PCDH15: variants seen among roughly 807,000 people sequenced by gnomAD.
PCDH15 encodes protocadherin-15.
Under a neutral mutation model 178.5 loss-of-function variants are expected in PCDH15, and 129 were observed. The ratio of observed to expected loss-of-function variants is 0.72; its 90% CI spans 0.63 to 0.84. The LOEUF (loss-of-function observed/expected upper bound fraction) is 0.84. PCDH15 is among the 40% of genes least tolerant of loss of function. The pLI, the probability that PCDH15 is intolerant of heterozygous loss-of-function variation, is 0.00. For missense variants in PCDH15, 2,230 were observed against 2,099.9 expected (o/e 1.06, Z -1.21); for synonymous variants, 800 against 732.0 (o/e 1.09, Z -1.50).
At chr10:54,107,303 T>C (rs551147238) in intron 15 of PCDH15, among the ~76,000 whole-genome samples, 5 of 152,350 alleles carry the variant, frequency 3.3e-5, no homozygotes, top group South Asian at 2.1e-4. Flanking sequence ...CATAAATATA[T>C]GTATGCTTCC....
intron 1 of PCDH15, among the ~76,000 whole-genome samples, chr10:55,214,139 AAT>A (rs1840639210): frequency 6.6e-6 from 1 of 151,982 alleles, no homozygotes; most frequent in Non-Finnish European, 1.5e-5. Context: ...TGTTTTTAAA[AAT>A]ATGTTAGAAC....
intron 2 of PCDH15, among the ~76,000 whole-genome samples, chr10:55,334,936 T>C (rs984168222): frequency 1.9e-4 from 29 of 152,332 alleles, no homozygotes; most frequent in Admixed American, 1.2e-3. Flanking sequence ...CCCTGTATTT[T>C]AGTATTGTCA....
rs1945830982 is a variant in PCDH15, at chr10:54,360,462, C to T, written c.474+8658G>A. ...TGTGTGGTGAGCGGCAGGACCTAGACCAAAGCCCTGGCATTTTGGTAAAAA... is the reference window on the plus strand; with the variant it reads ...TGTGTGGTGAGCGGCAGGACCTAGATCAAAGCCCTGGCATTTTGGTAAAAA... On this transcript the variant is annotated intron_variant, in intron 5 of 37. Coordinates refer to ENST00000644397, the MANE Select transcript of PCDH15 (RefSeq NM_001384140.1). 2.0e-5 allele frequency among the ~76,000 whole-genome samples: 3 copies of T among 151,984 alleles called. No individual in the cohort carries two copies. The South Asian group carries it at 6.2e-4, about 32-fold the overall frequency.
chr10:55,430,019 T>C (rs1308166715), intron 2 of PCDH15, among the ~76,000 whole-genome samples: 1 of 152,190 alleles, frequency 6.6e-6, no homozygotes, highest in Non-Finnish European at 1.5e-5. Flanking sequence ...TTAAATGAAA[T>C]CAAGATTCAC....
chr10:55,609,127 GCTATTCCAGAAGGTAAAAATGACAT>G (rs1843302419), intron 2 of PCDH15, among the ~76,000 whole-genome samples: 1 of 150,994 alleles, frequency 6.6e-6, no homozygotes, highest in Non-Finnish European at 1.5e-5. Context: ...TTCACTATTG[GCTATTCCAGAAGGTAAAAATGACAT>G]CTGACCTGAT....
At chr10:55,115,409 G>C (rs569787276) in intron 2 of PCDH15, among the ~76,000 whole-genome samples, 1 of 152,308 alleles carries the variant, frequency 6.6e-6, no homozygotes, top group African/African-American at 2.4e-5. Flanking sequence ...AGCATTCAGC[G>C]TTGGAACAAC....
chr10:54,898,881 C>A (rs905448794), intron 2 of PCDH15, among the ~76,000 whole-genome samples: 5 of 152,052 alleles, frequency 3.3e-5, no homozygotes, highest in African/African-American at 4.8e-5. Context: ...TTTGTTAATG[C>A]TAAGTGTTTT....
chr10:54,805,464 C>G (rs1397174722), upstream of PCDH15, among the ~76,000 whole-genome samples: 1 of 152,124 alleles, frequency 6.6e-6, no homozygotes, highest in African/African-American at 2.4e-5. Flanking sequence ...GACTTGGCAA[C>G]TGGAGGGTCA....
At chr10:54,967,731 A>G (rs7084605) in intron 2 of PCDH15, among the ~76,000 whole-genome samples, 2,378 of 152,282 alleles carry the variant, frequency 0.016, 60 homozygotes, top group African/African-American at 0.054. Context: ...CTGCAGACTG[A>G]ATGCTTTGAA....
intron 2 of PCDH15, among the ~76,000 whole-genome samples, chr10:55,336,275 GGAT>G (rs879874525): frequency 1.1e-4 from 16 of 151,972 alleles, no homozygotes; most frequent in Non-Finnish European, 1.9e-4. Context: ...CGACACGGGT[GGAT>G]CAAGAGGTCA....
intron 16 of PCDH15, among the ~76,000 whole-genome samples, chr10:54,087,543 C>T (rs1426451509): frequency 6.6e-6 from 1 of 152,172 alleles, no homozygotes; most frequent in African/African-American, 2.4e-5. Flanking sequence ...TTGTTTATTC[C>T]TTCCTCTGTA....
chr10:55,091,152 T>C (rs1297779395), intron 2 of PCDH15, among the ~76,000 whole-genome samples: 2 of 152,010 alleles, frequency 1.3e-5, no homozygotes, highest in African/African-American at 4.8e-5. Flanking sequence ...TATTGAAACA[T>C]AATGACCCTC....
intron 3 of PCDH15, among the ~76,000 whole-genome samples, chr10:54,439,744 A>G (rs1038270349): frequency 2.2e-4 from 33 of 152,142 alleles, no homozygotes; most frequent in African/African-American, 7.2e-4. Context: ...CCATTAAGTT[A>G]TTCACTGAGA....
rs73236374 is a variant in PCDH15, at chr10:53,828,446, A to G, written c.4211+119T>C. On this transcript the variant is annotated intron_variant, in intron 31 of 37. Transcript: ENST00000644397. ...ATATCAAACCAAGAAATAAACTATT[A>G]CAAACGCAAAACAAGGGAATAAGAT... The G allele has an allele frequency of 1.4e-3, 1,160 of 856,546 alleles. 12 individuals are homozygous for G. In the African/African-American group the frequency reaches 0.017, roughly 13 times the overall value. The allele number at this position is 856,546 out of a possible 1,614,324, so 53.1% of individuals were successfully genotyped here. A position where few individuals can be genotyped will look rare whatever the true frequency, so the allele number is the denominator to read the frequency against.
chr10:55,450,984 T>TATATATAG (rs1839423736), intron 2 of PCDH15, among the ~76,000 whole-genome samples: 1 of 145,538 alleles, frequency 6.9e-6, no homozygotes, highest in Non-Finnish European at 1.5e-5. Context: ...TATATATATA[T>TATATATAG]AGTATGATCC....
At chr10:54,012,622 G>A (rs1162102766) in intron 20 of PCDH15, among the ~76,000 whole-genome samples, 1 of 152,214 alleles carries the variant, frequency 6.6e-6, no homozygotes, top group Admixed American at 6.5e-5. Context: ...TAAGCCAGAA[G>A]AGATTGGGGG....
At chr10:55,409,983 T>C (rs554674664) in intron 2 of PCDH15, among the ~76,000 whole-genome samples, 75 of 152,288 alleles carry the variant, frequency 4.9e-4, no homozygotes, top group Non-Finnish European at 9.4e-4. Flanking sequence ...GAAATGATAT[T>C]TCCTACCTCT....
At chr10:54,178,217 G>T (rs781573010) in intron 13 of PCDH15, among the ~76,000 whole-genome samples, 1 of 151,984 alleles carries the variant, frequency 6.6e-6, no homozygotes, top group South Asian at 2.1e-4. Context: ...AGACTGATGG[G>T]ATATCTAATT....
At chr10:55,033,537 T>A (rs1236795020) in intron 2 of PCDH15, among the ~76,000 whole-genome samples, 1 of 152,200 alleles carries the variant, frequency 6.6e-6, no homozygotes, top group Non-Finnish European at 1.5e-5. Context: ...TATAAACGAC[T>A]GTCTTGTGTC....
Sources: allele counts gnomAD v4.1 joint callset (sites outside exome capture counted in the v4.1 genomes callset), GRCh38; gene constraint gnomAD v4.1.1; transcripts MANE v1.5; gene names NCBI Gene and HGNC (gene_info 2026-07-23, HGNC 2026-07-21).